The following CLMN variants were observed in gnomAD, a reference collection of about 807,000 sequenced individuals.
CLMN encodes calmin (calponin-like, transmembrane).
In CLMN, 57 loss-of-function variants were observed where a neutral mutation model predicts 92.7. That is an observed-to-expected ratio of 0.61 (90% CI 0.50 to 0.77). CLMN has a LOEUF of 0.77. Among genes scored for constraint, CLMN ranks in the 30% least tolerant of loss-of-function variants. The pLI is 0.00. For synonymous variants in CLMN, 466 were observed against 470.6 expected (o/e 0.99, Z 0.13); for missense variants, 1,158 against 1,237.5 (o/e 0.94, Z 0.96).
Position 95,188,364 on chromosome 14 carries a change from C to A in CLMN, c.*3200G>T, listed in dbSNP as rs1323040940. The A allele has an allele frequency of 6.6e-6, 1 of 152,068 alleles. No homozygotes were observed. 9.4% of individuals were successfully genotyped at this position (152,068 alleles called of 1,614,324 possible). A position where few individuals can be genotyped will look rare whatever the true frequency, so the allele number is the denominator to read the frequency against. ...TCCACAGAGAGACAAAATCTGCATC[C>A]ACGCATCAAGAGCAGGACACTGTAA... On this transcript the variant is annotated 3_prime_UTR_variant, in exon 13 of 13. Coordinates refer to ENST00000298912, the MANE Select transcript of CLMN (RefSeq NM_024734.4).
intron 2 of CLMN, 77 bp from the exon 3 acceptor site, chr14:95,223,932 C>T: frequency 9.5e-7 from 1 of 1,054,520 alleles, no homozygotes; most frequent in Middle Eastern, 2.1e-4. Flanking sequence ...ATGCAGCTTT[C>T]TGCTCAAGAG....
At position 95,196,483 on chromosome 14, in the gene CLMN, A is replaced by G; in HGVS notation, c.2708+15T>C. 1 of 1,602,346 alleles carries G rather than the reference A, an allele frequency of 6.2e-7. No homozygotes were observed. Among genetic ancestry groups the G allele is most frequent in the Non-Finnish European group, 8.5e-7 (1 of 1,175,980 alleles). ...CTGGCTCCACCTTACGGGTGAAAAG[A>G]GATGAATAAAATACCTGGAAGGAAT... is the stretch of plus-strand genomic sequence containing the variant. On this transcript the variant is annotated intron_variant, in intron 10 of 12. Transcript: ENST00000298912.
At chr14:95,233,973 C>T (rs1307727292) in intron 1 of CLMN, among the ~76,000 whole-genome samples, 1 of 152,228 alleles carries the variant, frequency 6.6e-6, no homozygotes, top group African/African-American at 2.4e-5. Context: ...AGACAAGTCC[C>T]AAACTGAAGC....
chr14:95,253,779 A>T (rs1048946453), intron 1 of CLMN, among the ~76,000 whole-genome samples: 1 of 151,344 alleles, frequency 6.6e-6, no homozygotes, highest in African/African-American at 2.4e-5. Flanking sequence ...CTCCTGGCTA[A>T]TTTTTTTTGT....
intron 1 of CLMN, among the ~76,000 whole-genome samples, chr14:95,280,798 A>C (rs978207762): frequency 1.3e-5 from 2 of 152,046 alleles, no homozygotes; most frequent in Non-Finnish European, 2.9e-5. Flanking sequence ...ATTAGGGGAA[A>C]CTCCTATAAT....
At position 95,230,212 on chromosome 14, in the gene CLMN, T is replaced by C. The variant is rs577896506; in HGVS notation, c.83-79A>G. 77 of 1,318,592 alleles carry C rather than the reference T, an allele frequency of 5.8e-5. No homozygotes were observed. In the African/African-American group the frequency reaches 1.1e-3, roughly 19 times the overall value. The allele number at this position is 1,318,592 out of a possible 1,614,324, so 81.7% of individuals were successfully genotyped here. On this transcript the variant is annotated intron_variant, in intron 1 of 12. Coordinates refer to ENST00000298912, the MANE Select transcript of CLMN (RefSeq NM_024734.4). ...ACACCTTCCCCTTCCCAAGGGGAGA[T>C]TCTAGGTGGAGGGCAGACAGAACCC...
rs1259490085 is a variant in CLMN, at chr14:95,203,060, A to G, written c.2289T>C (p.Tyr763=). The part of the protein sequence containing the change: ...EEMDLEEPEG[Y]MPDLDSREEE... ...CCTCCCTGGAGTCCAGGTCTGGCAT[A>G]TAGCCCTCTGGCTCTTCGAGATCCA... Residue 763 remains tyrosine (Y), a synonymous_variant, in exon 9 of 13, where the codon TAT becomes TAC. Coordinates refer to ENST00000298912, the MANE Select transcript of CLMN (RefSeq NM_024734.4). 6.2e-7 allele frequency: 1 copy of G among 1,614,152 alleles called. No individual in the cohort carries two copies.
chr14:95,230,508 T>G (rs979597469), intron 1 of CLMN, among the ~76,000 whole-genome samples: 4 of 152,056 alleles, frequency 2.6e-5, no homozygotes, highest in African/African-American at 9.7e-5. Flanking sequence ...GTGATGGGCA[T>G]GAGGAGATGG....
chr14:95,314,700 T>C (rs1901686854), intron 1 of CLMN, among the ~76,000 whole-genome samples: 1 of 152,110 alleles, frequency 6.6e-6, no homozygotes, highest in South Asian at 2.1e-4. Flanking sequence ...GAAAGGCCCC[T>C]CAAGAAAAAT....
Position 95,304,546 on chromosome 14 carries a change from C to T in CLMN, c.82+15165G>A, listed in dbSNP as rs558499853. Among the ~76,000 whole-genome samples the T allele has an allele frequency of 8.5e-5, 13 of 152,060 alleles. No homozygotes were observed. In the South Asian group the frequency reaches 2.5e-3, roughly 29 times the overall value. On this transcript the variant is annotated intron_variant, in intron 1 of 12. Coordinates refer to ENST00000298912, the MANE Select transcript of CLMN (RefSeq NM_024734.4). ...CCGTGCATCCCCTCCCCCACATCTC[C>T]CAGCTGGGTGACTGTCCCTCCCCCA... is the stretch of plus-strand genomic sequence containing the variant.
chr14:95,283,573 A>C (rs1900222328), intron 1 of CLMN, among the ~76,000 whole-genome samples: 1 of 152,176 alleles, frequency 6.6e-6, no homozygotes, highest in South Asian at 2.1e-4. Context: ...TTTTGCCCAA[A>C]ATGCTGATAG....
chr14:95,249,927 CAA>C, intron 1 of CLMN, among the ~76,000 whole-genome samples: 1 of 152,288 alleles, frequency 6.6e-6, no homozygotes, highest in South Asian at 2.1e-4. Context: ...AGCCATGTAA[CAA>C]AGTTTGGCCA....
chr14:95,270,005 T>C (rs547131513), intron 1 of CLMN, among the ~76,000 whole-genome samples: 34 of 152,180 alleles, frequency 2.2e-4, no homozygotes, highest in Admixed American at 6.5e-4. Context: ...AGCGTTCCCT[T>C]AACAACACAC....
At position 95,203,176 on chromosome 14, in the gene CLMN, C is replaced by T. The variant is rs373196498; in HGVS notation, c.2173G>A (p.Asp725Asn). The change falls in exon 9 of 13, where the codon GAC (aspartate) becomes AAC (asparagine). Residue 725 changes from aspartate (D) to asparagine (N), a missense_variant. By Grantham distance (23) the Asp-to-Asn change is conservative (BLOSUM62 1). Coordinates refer to ENST00000298912, the MANE Select transcript of CLMN (RefSeq NM_024734.4). Reference protein sequence around the residue: ...PLSKVSVIPHDLFYFPHYEVP... With the variant: ...PLSKVSVIPHNLFYFPHYEVP... ...TCATAGTGTGGGAAATAGAAGAGGT[C>T]GTGGGGAATGACGGAAACCTTTGAG... 9 of 1,612,746 alleles carry T rather than the reference C, an allele frequency of 5.6e-6. No individual in the cohort carries two copies. The East Asian group carries it at 1.1e-4, about 20-fold the overall frequency.
At position 95,309,991 on chromosome 14, in the gene CLMN, G is replaced by T. The variant is rs143004860; in HGVS notation, c.82+9720C>A. Among the ~76,000 whole-genome samples, 109 of 152,334 alleles carry T rather than the reference G, an allele frequency of 7.2e-4. 1 individual carries two copies. Among genetic ancestry groups the T allele is most frequent in the African/African-American group, 2.5e-3 (103 of 41,568 alleles). ...GGTTACAGGCAAGGTTCCTTCTCGAGATTCCAGAATCCAGGTCTTCCCTTT... is the reference window on the plus strand; with the variant it reads ...GGTTACAGGCAAGGTTCCTTCTCGATATTCCAGAATCCAGGTCTTCCCTTT... On this transcript the variant is annotated intron_variant, in intron 1 of 12. Transcript: ENST00000298912.
At chr14:95,207,063 A>T (rs992744274) in intron 8 of CLMN, among the ~76,000 whole-genome samples, 1 of 152,116 alleles carries the variant, frequency 6.6e-6, no homozygotes, top group Non-Finnish European at 1.5e-5. Flanking sequence ...GCAGGGCTGG[A>T]TCCCTTTCTT....
intron 1 of CLMN, among the ~76,000 whole-genome samples, chr14:95,262,534 T>G (rs570166679): frequency 6.6e-6 from 1 of 152,260 alleles, no homozygotes; most frequent in Non-Finnish European, 1.5e-5. Flanking sequence ...TCTTGGTAAG[T>G]TCAAGGTAGG....
At chr14:95,288,260 C>T (rs540628468) in intron 1 of CLMN, among the ~76,000 whole-genome samples, 1 of 152,296 alleles carries the variant, frequency 6.6e-6, no homozygotes, top group South Asian at 2.1e-4. Flanking sequence ...TTGCAACAGC[C>T]ATGATGTGGC....
chr14:95,205,961 C>T (rs1478313034), intron 8 of CLMN, among the ~76,000 whole-genome samples: 1 of 151,956 alleles, frequency 6.6e-6, no homozygotes, highest in African/African-American at 2.4e-5. Context: ...TAGATGAAAC[C>T]CGTATAAACG....
Sources: allele counts gnomAD v4.1 joint callset (sites outside exome capture counted in the v4.1 genomes callset), GRCh38; gene constraint gnomAD v4.1.1; transcripts MANE v1.5; gene names NCBI Gene and HGNC (gene_info 2026-07-23, HGNC 2026-07-21).